Variants in COL6A6 observed in about 807,000 individuals in gnomAD.
The protein encoded by COL6A6 is collagen alpha-6(VI) chain.
COL6A6 carries 183 observed loss-of-function variants against 208.6 expected under a neutral mutation model. That is an observed-to-expected ratio of 0.88 (90% CI 0.78 to 0.99). The LOEUF is 0.99. Ranked by LOEUF, COL6A6 falls within the 50% of genes least tolerant of loss-of-function variation. The probability of loss-of-function intolerance (pLI) is 0.00; values close to 1 mark genes in which losing one functional copy is unlikely to be tolerated. For synonymous variants in COL6A6, 973 were observed against 1,011.8 expected (o/e 0.96, Z 0.73); for missense variants, 2,816 against 2,815.2 (o/e 1.00, Z -0.01).
chr3:130,567,884 A>G (rs1349754094), intron 5 of COL6A6, among the ~76,000 whole-genome samples, 163 bp from the exon 6 acceptor site: 1 of 152,254 alleles, frequency 6.6e-6, no homozygotes, highest in Non-Finnish European at 1.5e-5. Flanking sequence ...TAAATAACAA[A>G]TAGAATATTC....
chr3:130,550,183 G>A (rs148999944), intron 1 of COL6A6, among the ~76,000 whole-genome samples: 1 of 152,272 alleles, frequency 6.6e-6, no homozygotes, highest in African/African-American at 2.4e-5. Flanking sequence ...TGCTGAAGTT[G>A]TTAATTAGAT....
At chr3:130,588,933 A>T (rs979181642) in intron 11 of COL6A6, among the ~76,000 whole-genome samples, 157 bp from the exon 12 acceptor site, 1 of 152,062 alleles carries the variant, frequency 6.6e-6, no homozygotes, top group Non-Finnish European at 1.5e-5. Context: ...AAAAAAAAAA[A>T]AAAAAAGTTT....
At chr3:130,542,835 A>G (rs1409586700) in intron 1 of COL6A6, among the ~76,000 whole-genome samples, 3 of 151,146 alleles carry the variant, frequency 2.0e-5, no homozygotes, top group Admixed American at 2.0e-4. Flanking sequence ...TGAAATTAAT[A>G]TAGCTACTCC....
chr3:130,530,086 C>T (rs893172623), intron 1 of COL6A6, among the ~76,000 whole-genome samples: 6 of 152,212 alleles, frequency 3.9e-5, no homozygotes, highest in Non-Finnish European at 8.8e-5. Context: ...GTCTAGCCCT[C>T]CTGGCGATTC....
At chr3:130,568,657 T>G in intron 6 of COL6A6, 53 bp downstream of exon 6, 1 of 1,417,514 alleles carries the variant, frequency 7.1e-7, no homozygotes, top group Non-Finnish European at 9.5e-7. Context: ...GATGTCTTTT[T>G]TAGCCTCTAT....
chr3:130,569,364 C>A (rs1373075679), intron 6 of COL6A6, among the ~76,000 whole-genome samples: 6 of 152,072 alleles, frequency 3.9e-5, no homozygotes, highest in Non-Finnish European at 2.9e-5. Flanking sequence ...CATGAAACTG[C>A]AGAGTAATGG....
Position 130,653,952 on chromosome 3 carries a change from A to G in COL6A6, c.5733+4390A>G, listed in dbSNP as rs1279629168. Among the ~76,000 whole-genome samples the G allele has an allele frequency of 2.0e-5, 3 of 152,230 alleles. No homozygotes were observed. In the East Asian group the frequency reaches 5.8e-4, roughly 29 times the overall value. On this transcript the variant is annotated intron_variant, in intron 33 of 36. Coordinates refer to ENST00000358511, the MANE Select transcript of COL6A6 (RefSeq NM_001102608.3). ...CACCAATGTGTTGATACGTGATTAA[A>G]TGTGAGCCTAAATTATCAGCAGGGA...
chr3:130,609,904 A>G (rs940054433), intron 22 of COL6A6, among the ~76,000 whole-genome samples: 31 of 148,948 alleles, frequency 2.1e-4, no homozygotes, highest in Non-Finnish European at 3.7e-4. Context: ...ATCTCTTCCT[A>G]GCTTGATTAC....
chr3:130,575,750 TG>T (rs1398851558), intron 8 of COL6A6, among the ~76,000 whole-genome samples: 4 of 152,206 alleles, frequency 2.6e-5, no homozygotes, highest in Non-Finnish European at 5.9e-5. Context: ...TTTAATCTGA[TG>T]GCCCTTATCA....
Position 130,565,198 on chromosome 3 carries a change from A to T in COL6A6, c.866A>T (p.Lys289Met), listed in dbSNP as rs2062986664. Residue 289 changes from lysine (K) to methionine (M), a missense_variant, in exon 4 of 37, where the codon AAG (lysine) becomes ATG (methionine). Lys to Met is a moderately conservative substitution (Grantham distance 95). Coordinates refer to ENST00000358511, the MANE Select transcript of COL6A6 (RefSeq NM_001102608.3). ...AATTCACTGAGCATGGGCATAAATA[A>T]GTCAGAGGTTCTCCAGCATATACAG... ...VINSLSMGINKSEVLQHIQNL... is the reference protein window; with the variant it reads ...VINSLSMGINMSEVLQHIQNL... 4.3e-6 allele frequency: 7 copies of T among 1,613,938 alleles called. No homozygotes were observed. The highest frequency in any genetic ancestry group is 5.9e-6 in the Non-Finnish European group (7 of 1,179,890).
intron 36 of COL6A6, among the ~76,000 whole-genome samples, chr3:130,667,710 C>T (rs2066109415): frequency 6.6e-6 from 1 of 151,868 alleles, no homozygotes; most frequent in African/African-American, 2.4e-5. Context: ...TGAGAAAAGA[C>T]ATCAACAAAA....
At chr3:130,518,749 G>A (rs1314793319) in intron 1 of COL6A6, among the ~76,000 whole-genome samples, 2 of 151,984 alleles carry the variant, frequency 1.3e-5, no homozygotes, top group African/African-American at 4.8e-5. Context: ...TAGGTGATCC[G>A]CCCGCCTCAG....
intron 6 of COL6A6, among the ~76,000 whole-genome samples, chr3:130,568,928 A>G (rs953097304): frequency 6.6e-6 from 1 of 152,182 alleles, no homozygotes; most frequent in South Asian, 2.1e-4. Context: ...TTGAGGAGGT[A>G]TTTTCAGAAG....
At chr3:130,596,485 CTG>C (rs761287026) in intron 18 of COL6A6, among the ~76,000 whole-genome samples, 2 of 152,160 alleles carry the variant, frequency 1.3e-5, no homozygotes, top group East Asian at 1.9e-4. Flanking sequence ...TAAAACAACT[CTG>C]TTTTTTTACA....
chr3:130,654,686 T>A (rs1181689244), intron 33 of COL6A6, among the ~76,000 whole-genome samples: 1 of 152,168 alleles, frequency 6.6e-6, no homozygotes, highest in Non-Finnish European at 1.5e-5. Context: ...TTCCAGTAGG[T>A]TCATTTTGCC....
At chr3:130,627,965 A>G (rs1034703108) in intron 26 of COL6A6, among the ~76,000 whole-genome samples, 3 of 152,212 alleles carry the variant, frequency 2.0e-5, no homozygotes, top group African/African-American at 7.2e-5. Flanking sequence ...TAATATAGTT[A>G]AGGATATCAT....
intron 32 of COL6A6, 82 bp downstream of exon 32, chr3:130,645,084 T>G: frequency 2.9e-6 from 4 of 1,363,408 alleles, no homozygotes; most frequent in Non-Finnish European, 4.2e-6. Flanking sequence ...AGCAATGTAT[T>G]GGCTTCCAAA....
At chr3:130,550,273 C>T (rs756381035) in intron 1 of COL6A6, among the ~76,000 whole-genome samples, 4 of 152,150 alleles carry the variant, frequency 2.6e-5, no homozygotes, top group Non-Finnish European at 5.9e-5. Context: ...ATTCAACTTC[C>T]TCTTATTTGA....
intron 13 of COL6A6, among the ~76,000 whole-genome samples, chr3:130,591,555 A>T (rs2063716515): frequency 6.6e-6 from 1 of 152,218 alleles, no homozygotes; most frequent in Non-Finnish European, 1.5e-5. Context: ...ACACTTTAAC[A>T]TACTCATTCA....
Sources: gnomAD v4.1 joint callset for allele counts (sites outside exome capture counted in the v4.1 genomes callset) on GRCh38, gnomAD v4.1.1 for gene constraint, MANE v1.5 for transcripts, NCBI Gene and HGNC (gene_info 2026-07-23, HGNC 2026-07-21) for gene names.